Variants in SEPTIN3 observed in about 807,000 individuals in gnomAD.
SEPTIN3 encodes the protein neuronal-specific septin-3.
Under a neutral mutation model 45.1 loss-of-function variants are expected in SEPTIN3, and 15 were observed. The ratio of observed to expected loss-of-function variants is 0.33; its 90% CI spans 0.22 to 0.51. The LOEUF (loss-of-function observed/expected upper bound fraction) is 0.51. Ranked by LOEUF, SEPTIN3 falls within the 20% of genes least tolerant of loss-of-function variation. The pLI, the probability that SEPTIN3 is intolerant of heterozygous loss-of-function variation, is 0.97. For missense variants in SEPTIN3, 289 were observed against 457.2 expected (o/e 0.63, Z 3.35); for synonymous variants, 148 against 164.8 (o/e 0.90, Z 0.78).
chr22:41,996,303 G>A (rs1450338594), intron 11 of SEPTIN3: 4 of 985,226 alleles, frequency 4.1e-6, no homozygotes, highest in Non-Finnish European at 4.8e-6. Flanking sequence ...GAAATTCGGG[G>A]CCAGGGAAAC....
At chr22:41,978,711 G>A (rs368259649) in intron 2 of SEPTIN3, among the ~76,000 whole-genome samples, 5 of 152,190 alleles carry the variant, frequency 3.3e-5, no homozygotes, top group South Asian at 2.1e-4. Flanking sequence ...TTGGAATTTC[G>A]CCTAGGGCTT....
chr22:41,987,373 C>T, intron 5 of SEPTIN3, 86 bp downstream of exon 5: 2 of 1,282,616 alleles, frequency 1.6e-6, no homozygotes, highest in South Asian at 1.4e-5. Flanking sequence ...CGTTGAGAAC[C>T]ATCTGCACCC....
intron 8 of SEPTIN3, among the ~76,000 whole-genome samples, chr22:41,992,065 T>TC (rs1303431710): frequency 1.3e-5 from 2 of 151,690 alleles, no homozygotes; most frequent in East Asian, 1.9e-4. Flanking sequence ...CTTATAGGCT[T>TC]CCCCCGCTAG....
At position 41,989,783 on chromosome 22, in the gene SEPTIN3, C is replaced by G. The variant is rs1432243744; in HGVS notation, c.2163+99C>G. The G allele has an allele frequency of 5.3e-6, 4 of 757,508 alleles. No individual in the cohort carries two copies. The East Asian group carries it at 7.5e-5, about 14-fold the overall frequency. The allele number at this position is 757,508 out of a possible 1,614,324, so 46.9% of individuals were successfully genotyped here. On this transcript the variant is annotated intron_variant, in intron 7 of 11. Coordinates refer to ENST00000644076, the MANE Select transcript of SEPTIN3 (RefSeq NM_001363845.2). ...AGCCCTCATCATTCTGCCTTCACCC[C>G]CACCCTCAACCCTCCCCCAATTCTC...
At chr22:41,990,783 G>C (rs1391744702) in intron 7 of SEPTIN3, among the ~76,000 whole-genome samples, 1 of 147,422 alleles carries the variant, frequency 6.8e-6, no homozygotes, top group Non-Finnish European at 1.5e-5. Flanking sequence ...CTTACAATTG[G>C]CTGGGGGCGG....
Position 41,994,971 on chromosome 22 carries a change from T to C in SEPTIN3, c.2505+257T>C. The stretch of plus-strand genomic sequence containing the variant: ...TGTGTGTGTGCATGCAGGGGTGAGG[T>C]ATTTTCACTGCCCTCCCTGGAGAGT... On this transcript the variant is annotated intron_variant, in intron 11 of 11. Coordinates refer to ENST00000644076, the MANE Select transcript of SEPTIN3 (RefSeq NM_001363845.2). The surrounding 1 kb of genome is among the most constrained non-coding windows in gnomAD (Gnocchi z 4.2). 7.2e-7 allele frequency: 1 copy of C among 1,379,404 alleles called. No individual in the cohort carries two copies. The highest frequency in any genetic ancestry group is 3.1e-5 in the East Asian group (1 of 32,530). 85.4% of individuals were successfully genotyped at this position (1,379,404 alleles called of 1,614,324 possible).
At chr22:41,989,854 T>C (rs2078275910) in intron 7 of SEPTIN3, among the ~76,000 whole-genome samples, 170 bp downstream of exon 7, 1 of 151,132 alleles carries the variant, frequency 6.6e-6, no homozygotes, top group African/African-American at 2.4e-5. Context: ...AGGTTGGTGG[T>C]ATCTGGGGAC....
chr22:41,992,870 T>G, intron 9 of SEPTIN3, 107 bp downstream of exon 9: 5 of 763,206 alleles, frequency 6.6e-6, no homozygotes, highest in Non-Finnish European at 1.1e-5. Flanking sequence ...ATGAAATGAA[T>G]GCCAGCCAGA....
rs2078270372 is a variant in SEPTIN3 at position 41,989,628 on chromosome 22, G to A, written c.2107G>A (p.Val703Ile). 1 of 1,614,066 alleles carries A rather than the reference G, an allele frequency of 6.2e-7. No individual in the cohort carries two copies. Among genetic ancestry groups the A allele is most frequent in the Non-Finnish European group, 8.5e-7 (1 of 1,179,972 alleles). ...HLSKVVNIIP[V>I]IAKADTMTLE... ...CAGCAAGGTTGTGAACATCATCCCT[G>A]TCATTGCTAAGGCTGACACCATGAC... The change falls in exon 7 of 12, where the codon GTC becomes ATC. Residue 703 changes from valine (V) to isoleucine (I), a missense_variant. By Grantham distance (29) the Val-to-Ile change is conservative. Transcript: ENST00000644076.
chr22:41,997,320 C>G lies in SEPTIN3; in HGVS notation c.*353C>G, dbSNP rs1159567094. 2.0e-5 allele frequency: 5 copies of G among 249,476 alleles called. No individual in the cohort carries two copies. 15.5% of individuals were successfully genotyped at this position (249,476 alleles called of 1,614,324 possible). On this transcript the variant is annotated 3_prime_UTR_variant, in exon 12 of 12. Transcript: ENST00000644076. ...TAAGGGCAATGGCATTGCTCCCTACCCATTCATCTGCATGAGCTACTCTTG... is the reference window on the plus strand; with the variant it reads ...TAAGGGCAATGGCATTGCTCCCTACGCATTCATCTGCATGAGCTACTCTTG...
intron 2 of SEPTIN3, chr22:41,977,079 G>A: frequency 6.3e-7 from 1 of 1,598,890 alleles, no homozygotes; most frequent in East Asian, 2.3e-5. Context: ...CCAAAGGTAG[G>A]GCGGCCGGCC....
At chr22:41,991,793 A>G in intron 8 of SEPTIN3, 125 bp downstream of exon 8, 1 of 730,364 alleles carries the variant, frequency 1.4e-6, no homozygotes, top group Non-Finnish European at 2.5e-6. Context: ...GACCCAGACC[A>G]GAAGTGACAT....
chr22:41,979,387 A>AC (rs541374411), intron 2 of SEPTIN3, among the ~76,000 whole-genome samples: 5 of 152,022 alleles, frequency 3.3e-5, no homozygotes, highest in African/African-American at 9.6e-5. Flanking sequence ...GGATAAGACC[A>AC]CCCCCCCAAA....
intron 8 of SEPTIN3, among the ~76,000 whole-genome samples, chr22:41,992,158 C>T (rs1448455057): frequency 3.3e-5 from 5 of 152,120 alleles, no homozygotes; most frequent in African/African-American, 4.8e-5. Flanking sequence ...GTGGGAGAAT[C>T]GCTTGAGCCC....
In SEPTIN3 at chr22:41,989,621, C is replaced by A. The variant is rs1421379666; in HGVS notation, c.2100C>A (p.Ile700=). Residue 700 remains isoleucine, a synonymous_variant, in exon 7 of 12, where the codon ATC becomes ATA. Transcript: ENST00000644076. ...AACACCTCAGCAAGGTTGTGAACAT[C>A]ATCCCTGTCATTGCTAAGGCTGACA... ...FMKHLSKVVN[I]IPVIAKADTM... 6.2e-7 allele frequency: 1 copy of A among 1,614,104 alleles called. No individual in the cohort carries two copies. Among genetic ancestry groups the A allele is most frequent in the South Asian group, 1.1e-5 (1 of 91,070 alleles).
chr22:41,984,620 C>G (rs1413199276), intron 3 of SEPTIN3, among the ~76,000 whole-genome samples: 1 of 152,180 alleles, frequency 6.6e-6, no homozygotes, highest in African/African-American at 2.4e-5. Flanking sequence ...ACTACAGCCT[C>G]TGCCTCCTGG....
intron 9 of SEPTIN3, among the ~76,000 whole-genome samples, chr22:41,993,578 A>G (rs563913281): frequency 1.2e-3 from 180 of 151,718 alleles, no homozygotes; most frequent in Non-Finnish European, 2.1e-3. Flanking sequence ...CTGGTCTTGA[A>G]CTCCTGACCT....
intron 7 of SEPTIN3, among the ~76,000 whole-genome samples, chr22:41,990,682 C>G (rs1181854414): frequency 2.2e-5 from 3 of 138,804 alleles, no homozygotes; most frequent in Non-Finnish European, 4.6e-5. Context: ...AGAGGCGGCG[C>G]TTGCAGTGAG....
rs758230732 is a variant in SEPTIN3, at chr22:41,986,115, G to A, written c.1825+3G>A. On this transcript the variant is annotated splice_donor_region_variant and intron_variant, in intron 4 of 11. Coordinates refer to ENST00000644076, the MANE Select transcript of SEPTIN3 (RefSeq NM_001363845.2). ...GGAGATCAAAGCTATCGGGCATGGT[G>A]AGGACCAGGCAGGGACCCCTATGGG... 64 of 1,612,220 alleles carry A rather than the reference G, an allele frequency of 4.0e-5. No homozygotes were observed. The highest frequency in any genetic ancestry group is 5.1e-6 in the Non-Finnish European group (6 of 1,179,286).
Sources: gnomAD v4.1 joint callset for allele counts (sites outside exome capture counted in the v4.1 genomes callset) on GRCh38, gnomAD v4.1.1 for gene constraint, Gnocchi (gnomAD v3.1) non-coding constraint, MANE v1.5 for transcripts, NCBI Gene and HGNC (gene_info 2026-07-23, HGNC 2026-07-21) for gene names.